The following FAM83B variants were observed in gnomAD, a reference collection of about 807,000 sequenced individuals.
FAM83B encodes protein FAM83B.
A neutral mutation model predicts 38.8 loss-of-function variants in FAM83B; 26 were observed. The observed-to-expected ratio is 0.67, with a 90% confidence interval of 0.49 to 0.93. The LOEUF (loss-of-function observed/expected upper bound fraction) is 0.93, where lower values mean the gene tolerates loss of function less well. FAM83B is among the 40% of genes least tolerant of loss of function. FAM83B has a pLI of 0.00. For synonymous variants in FAM83B, 419 were observed against 423.1 expected, an observed-to-expected ratio of 0.99 and a Z score of 0.12; for missense variants, 1,237 against 1,197.3, an observed-to-expected ratio of 1.03 and a Z score of -0.49.
In FAM83B at chr6:54,924,226, AC is replaced by A. The variant is rs201943991; in HGVS notation, c.445-2144del. ...ACACACACACACACACGCACACACC[AC>A]ATTTTCTTTGTGCATCTGTTGATGG... is the stretch of plus-strand genomic sequence containing the variant. On this transcript the variant is annotated intron_variant, in intron 2 of 4. Coordinates refer to ENST00000306858, the MANE Select transcript of FAM83B (RefSeq NM_001010872.3). Among the ~76,000 whole-genome samples, 1,451 of 151,132 alleles carry A rather than the reference AC, an allele frequency of 9.6e-3. 29 individuals are homozygous for A. Among genetic ancestry groups the A allele is most frequent in the African/African-American group, 0.034 (1,386 of 41,172 alleles).
At chr6:54,878,114 A>G (rs1394417633) in intron 2 of FAM83B, among the ~76,000 whole-genome samples, 2 of 152,208 alleles carry the variant, frequency 1.3e-5, no homozygotes, top group African/African-American at 4.8e-5. Flanking sequence ...AAGCAGGAAG[A>G]AAAGGAGAAT....
intron 4 of FAM83B, among the ~76,000 whole-genome samples, chr6:54,928,094 G>C (rs1316236932): frequency 6.6e-6 from 1 of 152,152 alleles, no homozygotes; most frequent in Non-Finnish European, 1.5e-5. Context: ...AGGTGAGGCT[G>C]GCTCGAGAGT....
Position 54,925,753 on chromosome 6 carries a change from C to T in FAM83B, c.445-618C>T, listed in dbSNP as rs530075173. ...ATATGGAGGTCCTGCTTTCCATATA[C>T]GTGGGTTCTTCAGGGCTGACTGTGA... On this transcript the variant is annotated intron_variant, in intron 2 of 4. Transcript: ENST00000306858. Among the ~76,000 whole-genome samples the T allele has an allele frequency of 4.4e-3, 670 of 151,698 alleles. 7 individuals are homozygous for T. The highest frequency in any genetic ancestry group is 0.015 in the African/African-American group (635 of 41,386).
intron 2 of FAM83B, among the ~76,000 whole-genome samples, chr6:54,923,818 C>A (rs9475067): frequency 0.028 from 4,305 of 151,964 alleles, 210 homozygotes; most frequent in African/African-American, 0.098. Flanking sequence ...TAATAGATGA[C>A]CAGTTACTAG....
intron 2 of FAM83B, among the ~76,000 whole-genome samples, chr6:54,908,320 T>C (rs1772823329): frequency 1.3e-5 from 2 of 152,092 alleles, no homozygotes; most frequent in African/African-American, 4.8e-5. Flanking sequence ...TATTGTATTT[T>C]CACTGTTGAG....
intron 2 of FAM83B, among the ~76,000 whole-genome samples, chr6:54,915,259 G>A (rs972253328): frequency 2.6e-5 from 4 of 152,088 alleles, no homozygotes; most frequent in Non-Finnish European, 5.9e-5. Flanking sequence ...ACACAAAAAT[G>A]AAATACTACT....
intron 1 of FAM83B, among the ~76,000 whole-genome samples, chr6:54,869,642 C>CTCT (rs1395657000): frequency 6.6e-6 from 1 of 152,148 alleles, no homozygotes; most frequent in African/African-American, 2.4e-5. Flanking sequence ...CGAAGCCCAC[C>CTCT]TCTTGCTCAG....
Position 54,941,057 on chromosome 6 carries a change from C to A in FAM83B, c.2086C>A (p.Pro696Thr). The A allele has an allele frequency of 6.2e-7, 1 of 1,613,394 alleles. No homozygotes were observed. Among genetic ancestry groups the A allele is most frequent in the Non-Finnish European group, 8.5e-7 (1 of 1,179,856 alleles). Residue 696 changes from proline to threonine, a missense_variant, in exon 5 of 5, where the codon CCA (proline) becomes ACA (threonine). Physicochemically the swap from Pro to Thr is conservative, Grantham distance 38 (BLOSUM62 -1). Coordinates refer to ENST00000306858, the MANE Select transcript of FAM83B (RefSeq NM_001010872.3). ...ACTTACCAGGAATCGAGTTAGACAA[C>A]CAGAAAAGCCCAAAGAAGATTTGCT... ...STLTRNRVRQPEKPKEDLLKS... is the reference protein window; with the variant it reads ...STLTRNRVRQTEKPKEDLLKS...
chr6:54,902,720 A>G (rs566477134), intron 2 of FAM83B, among the ~76,000 whole-genome samples: 25 of 150,172 alleles, frequency 1.7e-4, no homozygotes, highest in African/African-American at 6.1e-4. Flanking sequence ...TTTTATTTCC[A>G]GTACTCTATT....
Position 54,870,623 on chromosome 6 carries a change from A to G in FAM83B, c.377A>G (p.His126Arg). 1 of 1,613,948 alleles carries G rather than the reference A, an allele frequency of 6.2e-7. No individual in the cohort carries two copies. Among genetic ancestry groups the G allele is most frequent in the Non-Finnish European group, 8.5e-7 (1 of 1,179,950 alleles). The change falls in exon 2 of 5, where the codon CAT (histidine) becomes CGT (arginine). Residue 126 changes from histidine to arginine, a missense_variant. Transcript: ENST00000306858. ...LGGTHIDLLF[H>R]PPRAHLLTIK... ...GGCACCCATATAGATCTCCTTTTTC[A>G]TCCACCAAGAGCACATCTACTTACG...
chr6:54,873,328 TG>T (rs1333563117), intron 2 of FAM83B, among the ~76,000 whole-genome samples: 8 of 152,218 alleles, frequency 5.3e-5, no homozygotes, highest in African/African-American at 1.7e-4. Context: ...TTAAGTAATC[TG>T]GGGAAAAAAG....
chr6:54,911,864 A>G (rs1289564045), intron 2 of FAM83B, among the ~76,000 whole-genome samples: 2 of 152,050 alleles, frequency 1.3e-5, no homozygotes, highest in Non-Finnish European at 1.5e-5. Context: ...CATCTTTTTA[A>G]TATTATTTGT....
chr6:54,920,728 A>T (rs1335165121), intron 2 of FAM83B, among the ~76,000 whole-genome samples: 7 of 151,820 alleles, frequency 4.6e-5, no homozygotes, highest in Admixed American at 2.0e-4. Flanking sequence ...CTTTTTGGTT[A>T]TTTGGTGCAT....
rs1481918374 is a variant in FAM83B at position 54,944,651 on chromosome 6, C to A, written c.*2644C>A. 1 of 152,136 alleles carries A rather than the reference C, an allele frequency of 6.6e-6. No individual in the cohort carries two copies. The highest frequency in any genetic ancestry group is 1.9e-4 in the East Asian group (1 of 5,184). 9.4% of individuals were successfully genotyped at this position (152,136 alleles called of 1,614,324 possible). On this transcript the variant is annotated 3_prime_UTR_variant, in exon 5 of 5. Coordinates refer to ENST00000306858, the MANE Select transcript of FAM83B (RefSeq NM_001010872.3). ...AAAGTTTAATTCTGGATGAATTCAG[C>A]TTTACTCAAGATCCACATATTCAAG... is the stretch of plus-strand genomic sequence containing the variant.
chr6:54,941,259 G>T lies in FAM83B; in HGVS notation c.2288G>T (p.Gly763Val), dbSNP rs1773682776. ...CTTGCTTCAAAGAAGGAAGTTAAGG[G>T]TTCCCCAAGTTTTTTGAAAAAGGGG... ...KELASKKEVK[G>V]SPSFLKKGSQ... The change falls in exon 5 of 5, where the codon GGT (glycine) becomes GTT (valine). Residue 763 changes from glycine (G) to valine (V), a missense_variant. Transcript: ENST00000306858. 3.1e-6 allele frequency: 5 copies of T among 1,611,784 alleles called. No homozygotes were observed. Among genetic ancestry groups the T allele is most frequent in the Non-Finnish European group, 3.4e-6 (4 of 1,179,442 alleles).
chr6:54,937,909 G>A (rs1013779464), intron 4 of FAM83B, among the ~76,000 whole-genome samples: 6 of 151,792 alleles, frequency 4.0e-5, no homozygotes, highest in Non-Finnish European at 7.4e-5. Context: ...AGTGTTTGGG[G>A]AACAGTTGGT....
In FAM83B at chr6:54,882,992, G is replaced by A. The variant is rs141451501; in HGVS notation, c.444+12302G>A. 1.4e-3 allele frequency among the ~76,000 whole-genome samples: 214 copies of A among 151,950 alleles called. 2 individuals are homozygous for A. The highest frequency in any genetic ancestry group is 4.6e-3 in the African/African-American group (192 of 41,406). On this transcript the variant is annotated intron_variant, in intron 2 of 4. Transcript: ENST00000306858. ...GGAGTCTCGCTCTGTCACCCAGGCC[G>A]GAGTGCAGTGGCGCGATCTCAGCTC... is the stretch of plus-strand genomic sequence containing the variant.
intron 2 of FAM83B, among the ~76,000 whole-genome samples, chr6:54,910,973 G>A (rs1772895040): frequency 6.6e-6 from 1 of 151,994 alleles, no homozygotes; most frequent in African/African-American, 2.4e-5. Context: ...TACCTAAGAT[G>A]ATCTCAGCTT....
chr6:54,936,838 T>C (rs968723713), intron 4 of FAM83B, among the ~76,000 whole-genome samples: 1 of 151,232 alleles, frequency 6.6e-6, no homozygotes, highest in Non-Finnish European at 1.5e-5. Context: ...ATGTTTCTAA[T>C]ATTTTGAATT....
Sources: allele counts gnomAD v4.1 joint callset (sites outside exome capture counted in the v4.1 genomes callset), GRCh38; gene constraint gnomAD v4.1.1; transcripts MANE v1.5; gene names NCBI Gene and HGNC (gene_info 2026-07-23, HGNC 2026-07-21).